MEGF6: variants seen among roughly 807,000 people sequenced by gnomAD.
MEGF6 encodes the protein multiple EGF like domains 6.
In MEGF6, 184 loss-of-function variants were observed where a neutral mutation model predicts 207.1. That is an observed-to-expected ratio of 0.89 (90% CI 0.79 to 1.00). The LOEUF is 1.00. Among genes scored for constraint, MEGF6 ranks in the 50% least tolerant of loss-of-function variants. MEGF6 has a pLI of 0.00. For missense variants in MEGF6, 2,282 were observed against 2,202.9 expected, an observed-to-expected ratio of 1.04 and a Z score of -0.72; for synonymous variants, 1,038 against 910.0, an observed-to-expected ratio of 1.14 and a Z score of -2.53.
At position 3,602,581 on chromosome 1, in the gene MEGF6, G is replaced by T. The variant is rs770061971; in HGVS notation, c.151C>A (p.Gln51Lys). Reference sequence around the variant, plus strand: ...CGGCGGCCCACCAGGGTCAGCTCCTGCTCAGCACACACGTGGGGCCTGGAA... The same window carrying T: ...CGGCGGCCCACCAGGGTCAGCTCCTTCTCAGCACACACGTGGGGCCTGGAA... ...QPGMPHVCAE[Q>K]ELTLVGRRQP... The change falls in exon 2 of 37, where the codon CAG becomes AAG. Residue 51 changes from glutamine (Q) to lysine (K), a missense_variant. Gln to Lys is a moderately conservative substitution (Grantham distance 53, BLOSUM62 1). Coordinates refer to ENST00000356575, the MANE Select transcript of MEGF6 (RefSeq NM_001409.4). The T allele has an allele frequency of 1.9e-6, 3 of 1,611,452 alleles. No individual in the cohort carries two copies. Among genetic ancestry groups the T allele is most frequent in the Admixed American group, 3.3e-5 (2 of 59,836 alleles).
Position 3,611,376 on chromosome 1 carries a change from C to A in MEGF6, c.-108G>T. ...TAGGACGCAGCCACAGGTGCCCGCGCCCGCTCCGCGGAGCCCAAGGTCGCT... is the reference window on the plus strand; with the variant it reads ...TAGGACGCAGCCACAGGTGCCCGCGACCGCTCCGCGGAGCCCAAGGTCGCT... On this transcript the variant is annotated 5_prime_UTR_variant, in exon 1 of 37. Transcript: ENST00000356575. 7.6e-7 allele frequency: 1 copy of A among 1,322,398 alleles called. No homozygotes were observed. 81.9% of individuals were successfully genotyped at this position (1,322,398 alleles called of 1,614,324 possible). A position where few individuals can be genotyped will look rare whatever the true frequency, so the allele number is the denominator to read the frequency against.
intron 4 of MEGF6, among the ~76,000 whole-genome samples, chr1:3,562,947 C>T (rs1643244889): frequency 4.6e-5 from 7 of 152,140 alleles, no homozygotes; most frequent in Admixed American, 2.6e-4. Flanking sequence ...GGGCTGTCCT[C>T]AGGCGCCCCC....
chr1:3,619,760 G>C, the MEGF6 span, among the ~76,000 whole-genome samples: 2 of 152,308 alleles, frequency 1.3e-5, no homozygotes, highest in East Asian at 3.9e-4. Flanking sequence ...ATAGGAGTGT[G>C]AACGTGGACT....
At chr1:3,592,192 G>A (rs370649679) in intron 3 of MEGF6, among the ~76,000 whole-genome samples, 287 of 152,318 alleles carry the variant, frequency 1.9e-3, no homozygotes, top group Middle Eastern at 6.8e-3. Flanking sequence ...GGTGCCCCCA[G>A]GCCTGCAGGT....
rs937655529 is a variant in MEGF6, at chr1:3,490,508, G to A, written c.*20C>T. 6.2e-7 allele frequency: 1 copy of A among 1,611,928 alleles called. No individual in the cohort carries two copies. Among genetic ancestry groups the A allele is most frequent in the Admixed American group, 1.7e-5 (1 of 59,894 alleles). On this transcript the variant is annotated 3_prime_UTR_variant, in exon 37 of 37. Transcript: ENST00000356575. Reference sequence around the variant, plus strand: ...CCTCTGGCTGGGACTGGAGAGGCGGGCTCCACGGGACTGCCTCTACTAGTG... The same window carrying A: ...CCTCTGGCTGGGACTGGAGAGGCGGACTCCACGGGACTGCCTCTACTAGTG...
intron 1 of MEGF6, among the ~76,000 whole-genome samples, chr1:3,609,438 C>T (rs1644296349): frequency 6.6e-6 from 1 of 152,250 alleles, no homozygotes; most frequent in Non-Finnish European, 1.5e-5. Flanking sequence ...CTGCCACCGT[C>T]ACAGAACTCA....
chr1:3,603,579 G>T (rs558574572), intron 1 of MEGF6, among the ~76,000 whole-genome samples: 31 of 152,242 alleles, frequency 2.0e-4, no homozygotes, highest in African/African-American at 7.5e-4. Flanking sequence ...GTGCGGGCCG[G>T]TGTCTCCCCT....
Position 3,492,740 on chromosome 1 carries a change from C to G in MEGF6, c.4415G>C (p.Ser1472Thr). 6.2e-7 allele frequency: 1 copy of G among 1,612,446 alleles called. No individual in the cohort carries two copies. Residue 1472 changes from serine to threonine, a missense_variant, in exon 35 of 37, where the codon AGC becomes ACC. Transcript: ENST00000356575. ...CCCGCAGTCACAGTGCAGGGTGCAG[C>G]TGGGCCCAAACTGGCCCCTTCTGCA... ...LDCRRGQFGP[S>T]CTLHCDCGGG...
chr1:3,610,482 TC>T (rs1644310371), intron 1 of MEGF6, among the ~76,000 whole-genome samples: 3 of 108,660 alleles, frequency 2.8e-5, no homozygotes, highest in Admixed American at 1.0e-4. Flanking sequence ...CCCCTCCTCC[TC>T]CTCCTCCTCC....
chr1:3,528,610 A>G (rs1164124868), intron 4 of MEGF6, among the ~76,000 whole-genome samples: 6 of 152,142 alleles, frequency 3.9e-5, no homozygotes, highest in Non-Finnish European at 7.4e-5. Flanking sequence ...CAGGGTCCTT[A>G]TAAGAGGGAG....
At chr1:3,541,240 T>A (rs1642506538) in intron 4 of MEGF6, among the ~76,000 whole-genome samples, 1 of 152,236 alleles carries the variant, frequency 6.6e-6, no homozygotes. Flanking sequence ...AGAGCGGGGC[T>A]GCCGCCCAGG....
chr1:3,493,871 G>T lies in MEGF6; in HGVS notation c.4287C>A (p.Gly1429=). The T allele has an allele frequency of 6.3e-7, 1 of 1,594,900 alleles. No individual in the cohort carries two copies. Among genetic ancestry groups the T allele is most frequent in the Non-Finnish European group, 8.5e-7 (1 of 1,171,378 alleles). ...RGCEPGSFGE[G]CHQRCDCDGG... ...CGTCACAGTCACAGCGCTGGTGGCA[G>T]CCCTCTCCAAATGAACCTGGCTCAC... Residue 1429 remains glycine (G), a synonymous_variant, in exon 34 of 37, where the codon GGC becomes GGA. Coordinates refer to ENST00000356575, the MANE Select transcript of MEGF6 (RefSeq NM_001409.4).
At chr1:3,593,493 G>T (rs1292968917) in intron 3 of MEGF6, among the ~76,000 whole-genome samples, 1 of 111,414 alleles carries the variant, frequency 9.0e-6, no homozygotes, top group East Asian at 2.8e-4. Context: ...CCATTCATGC[G>T]GCTGTGCCTT....
chr1:3,569,586 A>T (rs1022388816), intron 4 of MEGF6, among the ~76,000 whole-genome samples: 1 of 152,360 alleles, frequency 6.6e-6, no homozygotes, highest in Non-Finnish European at 1.5e-5. Context: ...AGAGCTGTCC[A>T]AGGAGACCAT....
At chr1:3,533,135 G>A (rs762884826) in intron 4 of MEGF6, among the ~76,000 whole-genome samples, 1 of 152,230 alleles carries the variant, frequency 6.6e-6, no homozygotes, top group Non-Finnish European at 1.5e-5. Flanking sequence ...GACAGTCTCT[G>A]CTGATCCAGG....
intron 5 of MEGF6, among the ~76,000 whole-genome samples, chr1:3,516,737 C>A (rs1278109906): frequency 6.6e-6 from 1 of 152,194 alleles, no homozygotes; most frequent in African/African-American, 2.4e-5. Context: ...GGCAAAGCCC[C>A]CTCAGAGCAA....
chr1:3,542,393 C>T lies in MEGF6; in HGVS notation c.482-18147G>A, dbSNP rs186990275. 1.6e-3 allele frequency among the ~76,000 whole-genome samples: 245 copies of T among 152,332 alleles called. 1 individual carries two copies. Among genetic ancestry groups the T allele is most frequent in the Admixed American group, 6.6e-3 (101 of 15,306 alleles). On this transcript the variant is annotated intron_variant, in intron 4 of 36. Transcript: ENST00000356575. ...ATGTTCACAGGACTGAACTCCAACC[C>T]GGCTGGCAGTGGAGGGAGGAAGCTG...
intron 3 of MEGF6, among the ~76,000 whole-genome samples, chr1:3,586,965 C>T (rs1643902017): frequency 6.6e-6 from 1 of 152,204 alleles, no homozygotes; most frequent in Admixed American, 6.5e-5. Context: ...CAGCCTGGAC[C>T]CCCATCGATT....
At chr1:3,599,045 C>T (rs901767961) in intron 2 of MEGF6, among the ~76,000 whole-genome samples, 4 of 152,206 alleles carry the variant, frequency 2.6e-5, no homozygotes, top group Non-Finnish European at 5.9e-5. Flanking sequence ...CATCACCCCG[C>T]GGCCCTGCCT....
Sources: allele counts gnomAD v4.1 joint callset (sites outside exome capture counted in the v4.1 genomes callset), GRCh38; gene constraint gnomAD v4.1.1; transcripts MANE v1.5; gene names NCBI Gene and HGNC (gene_info 2026-07-23, HGNC 2026-07-21).